The following MPO variants were observed in gnomAD, a reference collection of about 807,000 sequenced individuals.
The protein encoded by MPO is myeloperoxidase.
MPO carries 57 observed loss-of-function variants against 69.4 expected under a neutral mutation model. The observed-to-expected ratio is 0.82, with a 90% CI of 0.66 to 1.02. The LOEUF (loss-of-function observed/expected upper bound fraction) is 1.02, where lower values mean the gene tolerates loss of function less well. Among genes scored for constraint, MPO ranks in the 50% least tolerant of loss-of-function variants. The pLI is 0.00. For synonymous variants in MPO, 426 were observed against 417.1 expected (o/e 1.02, Z -0.26); for missense variants, 971 against 1,014.1 (o/e 0.96, Z 0.58).
Position 58,272,789 on chromosome 17 carries a change from G to A in MPO, c.1751C>T (p.Pro584Leu). 1.1e-5 allele frequency: 18 copies of A among 1,614,182 alleles called. No individual in the cohort carries two copies. Among genetic ancestry groups the A allele is most frequent in the Non-Finnish European group, 1.5e-5 (18 of 1,180,044 alleles). ...EQVMRIGLDLPALNMQRSRDH... is the reference protein window; with the variant it reads ...EQVMRIGLDLLALNMQRSRDH... ...CCTGCTGCGCTGCATGTTCAGAGCA[G>A]GCAGGTCCAGCCCAATCCTCATGAC... Residue 584 changes from proline to leucine, a missense_variant, in exon 10 of 12, where the codon CCT becomes CTT. Pro to Leu is a moderately conservative substitution (Grantham distance 98). Coordinates refer to ENST00000225275, the MANE Select transcript of MPO (RefSeq NM_000250.2).
At chr17:58,273,693 G>T (rs1285121296) in intron 8 of MPO, 24 bp from the exon 9 acceptor site, 1 of 1,613,986 alleles carries the variant, frequency 6.2e-7, no homozygotes, top group Non-Finnish European at 8.5e-7. Flanking sequence ...ATTTGGAATG[G>T]CCTCTCCACC....
At chr17:58,277,659 T>A in intron 7 of MPO, 168 bp downstream of exon 7, 2 of 1,003,136 alleles carry the variant, frequency 2.0e-6, no homozygotes, top group Non-Finnish European at 3.0e-6. Flanking sequence ...TCTGGCTCCA[T>A]CTGACTTGTT....
intron 11 of MPO, 27 bp downstream of exon 11, chr17:58,271,628 C>A (rs139276063): frequency 3.2e-4 from 511 of 1,605,918 alleles, no homozygotes; most frequent in Middle Eastern, 1.5e-3. Flanking sequence ...AGCCACCCAG[C>A]GGCCCACGAC....
In MPO at chr17:58,270,201, AG is replaced by A; in HGVS notation, c.*454del. On this transcript the variant is annotated 3_prime_UTR_variant, in exon 12 of 12. Transcript: ENST00000225275. The surrounding 1 kb of genome is among the most constrained non-coding windows in gnomAD (Gnocchi z 4.1). ...AGGTGCTCAATAAATGAAGAACCAGAGGATACAAGTGGGCCCTCCAAGAAAC... is the reference window on the plus strand; with the variant it reads ...AGGTGCTCAATAAATGAAGAACCAGAGATACAAGTGGGCCCTCCAAGAAAC... The A allele has an allele frequency of 3.3e-6, 1 of 301,860 alleles. No individual in the cohort carries two copies. The highest frequency in any genetic ancestry group is 6.5e-6 in the Non-Finnish European group (1 of 154,692). The allele number at this position is 301,860 out of a possible 1,614,324, so 18.7% of individuals were successfully genotyped here.
At position 58,278,101 on chromosome 17, in the gene MPO, G is replaced by GA. The variant is rs754795358; in HGVS notation, c.929dup (p.Phe312ValfsTer69). The GA allele has an allele frequency of 6.2e-7, 1 of 1,607,000 alleles. No homozygotes were observed. The highest frequency in any genetic ancestry group is 1.1e-5 in the South Asian group (1 of 91,086). On this transcript the variant is annotated frameshift_variant, in exon 7 of 12. Transcript: ENST00000225275. LOFTEE classifies it high-confidence loss of function. ...AAGCCGGGCAGGAGCGGAAGAACGG[G>GA]ATGCAGTCGGCTTGGTTCTTGATGC...
chr17:58,279,779 G>A, intron 3 of MPO, 60 bp downstream of exon 3: 1 of 1,612,938 alleles, frequency 6.2e-7, no homozygotes, highest in South Asian at 1.1e-5. Flanking sequence ...AGAGACGGCT[G>A]GGGTCCCTAG....
At chr17:58,278,375 C>G (rs1365622944) in intron 6 of MPO, among the ~76,000 whole-genome samples, 1 of 152,170 alleles carries the variant, frequency 6.6e-6, no homozygotes, top group Non-Finnish European at 1.5e-5. Context: ...GGTCTGGGCA[C>G]CGCCAGGCCT....
chr17:58,278,960 A>G lies in MPO; in HGVS notation c.885+48T>C, dbSNP rs753257207. On this transcript the variant is annotated intron_variant, in intron 6 of 11. Coordinates refer to ENST00000225275, the MANE Select transcript of MPO (RefSeq NM_000250.2). ...AGAAGGGAGATGGCCCCTTCCAGAAACAATCTCCCCTCTCCCAACCCAGGC... is the reference window on the plus strand; with the variant it reads ...AGAAGGGAGATGGCCCCTTCCAGAAGCAATCTCCCCTCTCCCAACCCAGGC... The G allele has an allele frequency of 4.2e-5, 65 of 1,556,840 alleles. No homozygotes were observed. In the African/African-American group the frequency reaches 8.2e-4, roughly 20 times the overall value.
Position 58,279,315 on chromosome 17 carries a change from G to T in MPO, c.660C>A (p.Asn220Lys), listed in dbSNP as rs745630258. The stretch of plus-strand genomic sequence containing the variant: ...CGCTCACCAGAGCCACCGGGAAGCC[G>T]TTGCGCTTGACCCCGGGCGTCCAGC... The part of the protein sequence containing the change: ...PYGWTPGVKR[N>K]GFPVALARAV... Residue 220 changes from asparagine (N) to lysine (K), a missense_variant, in exon 5 of 12, where the codon AAC (asparagine) becomes AAA (lysine). Transcript: ENST00000225275. 4 of 1,569,036 alleles carry T rather than the reference G, an allele frequency of 2.5e-6. No individual in the cohort carries two copies. Among genetic ancestry groups the T allele is most frequent in the East Asian group, 2.4e-5 (1 of 42,530 alleles).
At chr17:58,277,664 C>T in intron 7 of MPO, 163 bp downstream of exon 7, 1 of 1,066,998 alleles carries the variant, frequency 9.4e-7, no homozygotes, top group Non-Finnish European at 1.4e-6. Context: ...CTCCATCTGA[C>T]TTGTTACCAA....
At position 58,275,509 on chromosome 17, in the gene MPO, G is replaced by T. The variant is rs776727787; in HGVS notation, c.1365+33C>A. ...CTAGGATGTTGCAGGGACACATCTG[G>T]ATCCCGTGTGCCCGGTGTTCAAGAC... is the stretch of plus-strand genomic sequence containing the variant. On this transcript the variant is annotated intron_variant, in intron 8 of 11. Transcript: ENST00000225275. The surrounding 1 kb of genome is among the most constrained non-coding windows in gnomAD (Gnocchi z 4.1). 6.2e-7 allele frequency: 1 copy of T among 1,613,902 alleles called. No homozygotes were observed. Among genetic ancestry groups the T allele is most frequent in the Admixed American group, 1.7e-5 (1 of 60,016 alleles).
At chr17:58,272,570 T>G (rs1157249959) in intron 10 of MPO, among the ~76,000 whole-genome samples, 178 bp downstream of exon 10, 1 of 152,120 alleles carries the variant, frequency 6.6e-6, no homozygotes, top group African/African-American at 2.4e-5. Context: ...AGCTGGAAAT[T>G]TATCAGGTGG....
At chr17:58,271,002 G>C in intron 11 of MPO, 139 bp from the exon 12 acceptor site, 1 of 837,832 alleles carries the variant, frequency 1.2e-6, no homozygotes, top group Non-Finnish European at 2.0e-6. Flanking sequence ...CCAGGCCCTT[G>C]GGCAGCCCAG....
chr17:58,276,690 A>T (rs1157936058), intron 7 of MPO, among the ~76,000 whole-genome samples: 1 of 152,186 alleles, frequency 6.6e-6, no homozygotes, highest in Non-Finnish European at 1.5e-5. Flanking sequence ...TCTCTTGCAG[A>T]AAGTCCGACC....
chr17:58,274,125 C>G, intron 8 of MPO: 1 of 475,630 alleles, frequency 2.1e-6, no homozygotes, highest in African/African-American at 2.0e-5. Context: ...TGCCTGCCCA[C>G]AGTAAGGCTC....
Position 58,279,854 on chromosome 17 carries a change from G to A in MPO, c.409C>T (p.Pro137Ser), listed in dbSNP as rs753579175. 2.4e-5 allele frequency: 39 copies of A among 1,613,952 alleles called. No individual in the cohort carries two copies. Among genetic ancestry groups the A allele is most frequent in the Non-Finnish European group, 3.2e-5 (38 of 1,180,028 alleles). ...GCAACAGTACCAGTGACATTGAATG[G>A]CCTTCGCCACAGGGACCGCAGCTTC... ...ERKLRSLWRR[P>S]FNVTDVLTPA... is the part of the protein sequence containing the mutation. Residue 137 changes from proline to serine, a missense_variant, in exon 3 of 12, where the codon CCA becomes TCA. Coordinates refer to ENST00000225275, the MANE Select transcript of MPO (RefSeq NM_000250.2).
chr17:58,277,190 A>G (rs1300848709), intron 7 of MPO, among the ~76,000 whole-genome samples: 1 of 151,980 alleles, frequency 6.6e-6, no homozygotes, highest in African/African-American at 2.4e-5. Context: ...CCAATTGTTT[A>G]CATTTAAAAT....
At chr17:58,274,812 C>T (rs1353831771) in intron 8 of MPO, among the ~76,000 whole-genome samples, 9 of 150,202 alleles carry the variant, frequency 6.0e-5, no homozygotes, top group Admixed American at 5.3e-4. Context: ...AGGGTAAGAC[C>T]CTGTATCAAA....
chr17:58,272,966 A>C, intron 9 of MPO, 48 bp from the exon 10 acceptor site: 5 of 1,607,746 alleles, frequency 3.1e-6, no homozygotes, highest in Non-Finnish European at 4.3e-6. Flanking sequence ...GCTCAGTATC[A>C]GAGCTCAGAT....
Sources: allele counts gnomAD v4.1 joint callset (sites outside exome capture counted in the v4.1 genomes callset), GRCh38; gene constraint gnomAD v4.1.1; non-coding constraint Gnocchi (gnomAD v3.1); transcripts MANE v1.5; gene names NCBI Gene and HGNC (gene_info 2026-07-23, HGNC 2026-07-21).